ASRGL1: variants seen among roughly 807,000 people sequenced by gnomAD.
ASRGL1 encodes asparaginase and isoaspartyl peptidase 1, also known as isoaspartyl peptidase/L-asparaginase.
In ASRGL1, 16 loss-of-function variants were observed where a neutral mutation model predicts 22.4. The ratio of observed to expected loss-of-function variants is 0.71; its 90% CI spans 0.48 to 1.08. The LOEUF (loss-of-function observed/expected upper bound fraction) is 1.08. ASRGL1 is among the 50% of genes least tolerant of loss of function. The pLI is 0.00. For missense variants in ASRGL1, 412 were observed against 410.1 expected, an observed-to-expected ratio of 1.00 and a Z score of -0.04; for synonymous variants, 165 against 159.3, an observed-to-expected ratio of 1.04 and a Z score of -0.27.
At position 62,372,396 on chromosome 11, in the gene ASRGL1, G is replaced by C. The variant is rs1946797972; in HGVS notation, c.491+15252G>C. On this transcript the variant is annotated intron_variant, in intron 4 of 6. Transcript: ENST00000415229. ...GCCAATTACCAAAATGGCCTGTGAG[G>C]CTGCAAATCAGTATGATAATGGACT... The C allele has an allele frequency of 6.4e-6, 10 of 1,563,736 alleles. No individual in the cohort carries two copies. In the South Asian group the frequency reaches 8.9e-5, roughly 14 times the overall value.
At chr11:62,355,330 A>T (rs1321515540) in intron 2 of ASRGL1, among the ~76,000 whole-genome samples, 1 of 151,958 alleles carries the variant, frequency 6.6e-6, no homozygotes, top group Admixed American at 6.6e-5. Context: ...AGTTCAAGCA[A>T]TTTTCCTGCC....
Position 62,392,062 on chromosome 11 carries a change from CCCTT to C in ASRGL1, c.722-12_722-9del, listed in dbSNP as rs1218465322. ...TTCAGTAATGTGTGTTGTTTCTCAA[CCCTT>C]CCTTGTTTTCAGGAAAGACGGTAGA... On this transcript the variant is annotated splice_polypyrimidine_tract_variant and intron_variant, in intron 6 of 6. Transcript: ENST00000415229. 2 of 1,612,286 alleles carry C rather than the reference CCCTT, an allele frequency of 1.2e-6. No individual in the cohort carries two copies. Among genetic ancestry groups the C allele is most frequent in the Non-Finnish European group, 1.7e-6 (2 of 1,178,428 alleles).
At chr11:62,362,655 TATATAAA>T (rs1306211207) in intron 4 of ASRGL1, among the ~76,000 whole-genome samples, 2 of 89,194 alleles carry the variant, frequency 2.2e-5, no homozygotes, top group African/African-American at 4.6e-5. Context: ...TAATATATAT[TATATAAA>T]ATATATAATA....
rs1456614410 is a variant in ASRGL1 at position 62,384,015 on chromosome 11, TGTGTGTGTGCACGTGTGTGC to T, written c.492-5108_492-5089del. Among the ~76,000 whole-genome samples the T allele has an allele frequency of 1.3e-4, 19 of 147,230 alleles. No homozygotes were observed. The East Asian group carries it at 2.0e-3, about 16-fold the overall frequency. ...TTAAATGCATCTGTGTGTGTGCATG[TGTGTGTGTGCACGTGTGTGC>T]GTGTGTGTGTGTGTGTGTTTGCCAT... is the stretch of plus-strand genomic sequence containing the variant. On this transcript the variant is annotated intron_variant, in intron 4 of 6. Transcript: ENST00000415229.
chr11:62,363,495 C>G (rs1946535223), intron 4 of ASRGL1, among the ~76,000 whole-genome samples: 1 of 152,056 alleles, frequency 6.6e-6, no homozygotes, highest in Admixed American at 6.6e-5. Context: ...TTTTGATTTT[C>G]TTCAGAATAT....
At chr11:62,399,674 G>A in the ASRGL1 span, among the ~76,000 whole-genome samples, 3 of 152,194 alleles carry the variant, frequency 2.0e-5, no homozygotes, top group African/African-American at 7.2e-5. Context: ...AGATGTTCCA[G>A]GCACCTCTAG....
intron 4 of ASRGL1, chr11:62,373,240 A>G: frequency 1.3e-6 from 1 of 798,674 alleles, no homozygotes. Context: ...GTGCACTGGG[A>G]CGGGAAGTCA....
chr11:62,389,409 G>A (rs1298134248), intron 5 of ASRGL1, 158 bp downstream of exon 5: 2 of 754,912 alleles, frequency 2.6e-6, no homozygotes, highest in Admixed American at 4.0e-5. Flanking sequence ...GTTGGAAGGG[G>A]TTGTTCGGGG....
chr11:62,356,979 T>C lies in ASRGL1; in HGVS notation c.334-8T>C, dbSNP rs758009513. The stretch of plus-strand genomic sequence containing the variant: ...AAACAATCATTTTCTCTTTTCTTTC[T>C]GGCTCAGACACCTCATTGCTTTCTG... On this transcript the variant is annotated splice_polypyrimidine_tract_variant and splice_region_variant and intron_variant, in intron 3 of 6. Coordinates refer to ENST00000415229, the MANE Select transcript of ASRGL1 (RefSeq NM_001083926.2). 1.3e-6 allele frequency: 2 copies of C among 1,571,850 alleles called. No homozygotes were observed. Among genetic ancestry groups the C allele is most frequent in the Non-Finnish European group, 1.7e-6 (2 of 1,166,506 alleles).
chr11:62,394,207 A>G (rs1408526458), downstream of ASRGL1, among the ~76,000 whole-genome samples: 2 of 130,808 alleles, frequency 1.5e-5, no homozygotes, highest in East Asian at 2.0e-4. Context: ...TATATAATAT[A>G]TGATATATAA....
At chr11:62,379,449 G>C (rs898128504) in intron 4 of ASRGL1, among the ~76,000 whole-genome samples, 1 of 152,138 alleles carries the variant, frequency 6.6e-6, no homozygotes, top group Non-Finnish European at 1.5e-5. Context: ...TATAAGGCAG[G>C]AGTAACAACT....
Position 62,392,116 on chromosome 11 carries a change from T to G in ASRGL1, c.759T>G (p.Gly253=), listed in dbSNP as rs374480216. The part of the protein sequence containing the change: ...TVEEAADLSL[G]YMKSRVKGLG... ...AAGAGGCTGCGGACCTATCGTTGGG[T>G]TATATGAAGTCAAGGGTTAAAGGTT... The change falls in exon 7 of 7, where the codon GGT becomes GGG. Residue 253 remains glycine, a synonymous_variant. Coordinates refer to ENST00000415229, the MANE Select transcript of ASRGL1 (RefSeq NM_001083926.2). 1.2e-6 allele frequency: 2 copies of G among 1,614,156 alleles called. No individual in the cohort carries two copies.
intron 5 of ASRGL1, among the ~76,000 whole-genome samples, chr11:62,390,971 T>A (rs1048445909): frequency 3.3e-5 from 5 of 152,186 alleles, no homozygotes; most frequent in African/African-American, 1.2e-4. Context: ...GAAGAAATCT[T>A]ATCAAAGTAG....
intron 4 of ASRGL1, among the ~76,000 whole-genome samples, chr11:62,375,150 C>G (rs1946880321): frequency 6.6e-6 from 1 of 151,984 alleles, no homozygotes; most frequent in Non-Finnish European, 1.5e-5. Flanking sequence ...GTGAAGACTG[C>G]CTTGTCCCGC....
chr11:62,358,371 GAAAAAAA>G (rs34743439), intron 4 of ASRGL1, among the ~76,000 whole-genome samples: 1 of 111,844 alleles, frequency 8.9e-6, no homozygotes, highest in Non-Finnish European at 1.7e-5. Flanking sequence ...CTCCGTCTCA[GAAAAAAA>G]AAAAAAAAAA....
chr11:62,371,338 C>T (rs1437896026), intron 4 of ASRGL1: 4 of 1,149,164 alleles, frequency 3.5e-6, no homozygotes, highest in Non-Finnish European at 4.7e-6. Context: ...CAGGGGCAAG[C>T]GCGCGGCGCA....
intron 4 of ASRGL1, chr11:62,371,703 A>T: frequency 3.4e-6 from 2 of 593,368 alleles, no homozygotes; most frequent in South Asian, 2.8e-5. Context: ...TTGTAATCCC[A>T]GCACTTTGGG....
intron 4 of ASRGL1, among the ~76,000 whole-genome samples, chr11:62,377,005 C>T (rs1236886345): frequency 1.3e-5 from 2 of 152,208 alleles, no homozygotes; most frequent in African/African-American, 4.8e-5. Context: ...CACATTAGGA[C>T]ATAGACCTCT....
At chr11:62,353,343 C>T (rs199808968) in intron 2 of ASRGL1, among the ~76,000 whole-genome samples, 1 of 135,934 alleles carries the variant, frequency 7.4e-6, no homozygotes, top group Admixed American at 7.4e-5. Context: ...TTTTATGATG[C>T]TTTTTTTTTT....
Sources: allele counts gnomAD v4.1 joint callset (sites outside exome capture counted in the v4.1 genomes callset), GRCh38; gene constraint gnomAD v4.1.1; transcripts MANE v1.5; gene names NCBI Gene and HGNC (gene_info 2026-07-23, HGNC 2026-07-21).